TTBK1: variants seen among roughly 807,000 people sequenced by gnomAD.
TTBK1 encodes the protein tau tubulin kinase 1.
A neutral mutation model predicts 108.5 loss-of-function variants in TTBK1; 34 were observed. The ratio of observed to expected loss-of-function variants is 0.31; its 90% CI spans 0.24 to 0.42. The LOEUF (loss-of-function observed/expected upper bound fraction) is 0.42. TTBK1 is among the 10% of genes least tolerant of loss of function. The pLI, the probability that TTBK1 is intolerant of heterozygous loss-of-function variation, is 1.00. For missense variants in TTBK1, 1,539 were observed against 1,826.0 expected (o/e 0.84, Z 2.86); for synonymous variants, 809 against 795.1 (o/e 1.02, Z -0.29).
At chr6:43,272,545 G>A in intron 13 of TTBK1, 1 of 985,450 alleles carries the variant, frequency 1.0e-6, no homozygotes, top group Non-Finnish European at 1.2e-6. Flanking sequence ...AAAGCATGTT[G>A]TCCTTTAGGG....
At position 43,257,617 on chromosome 6, in the gene TTBK1, T is replaced by G. The variant is rs898963251; in HGVS notation, c.862-195T>G. On this transcript the variant is annotated intron_variant, in intron 9 of 14. Transcript: ENST00000259750. This position sits in a 1 kb window ranked among gnomAD's most constrained non-coding sequence, Gnocchi z 4.5. ...GTGGGGCTTAATCCAAGATGATAAT[T>G]TGCATGTTGATTTGCATATCATGTG... Among the ~76,000 whole-genome samples the G allele has an allele frequency of 2.0e-5, 3 of 152,104 alleles. No individual in the cohort carries two copies. Among genetic ancestry groups the G allele is most frequent in the African/African-American group, 7.2e-5 (3 of 41,402 alleles).
intron 13 of TTBK1, chr6:43,272,475 C>G: frequency 1.0e-6 from 1 of 985,422 alleles, no homozygotes; most frequent in Non-Finnish European, 1.2e-6. Flanking sequence ...ACACACACCC[C>G]CCACCTCAGA....
In TTBK1 at chr6:43,259,807, C is replaced by T; in HGVS notation, c.1424+101C>T. The T allele has an allele frequency of 1.6e-6, 2 of 1,258,546 alleles. No homozygotes were observed. The highest frequency in any genetic ancestry group is 2.6e-4 in the Middle Eastern group (1 of 3,882). 78.0% of individuals were successfully genotyped at this position (1,258,546 alleles called of 1,614,324 possible). ...TAGATGTGTGGCGGAGGTGGGCAGA[C>T]CCTGGGAAGTGCTGAGAGGGTTATA... On this transcript the variant is annotated intron_variant, in intron 12 of 14. Transcript: ENST00000259750. The surrounding 1 kb of genome is among the most constrained non-coding windows in gnomAD (Gnocchi z 6.7).
chr6:43,254,450 A>C, intron 5 of TTBK1, 97 bp from the exon 6 acceptor site: 4 of 807,014 alleles, frequency 5.0e-6, no homozygotes, highest in Non-Finnish European at 7.8e-6. Context: ...GTGGGGCTGA[A>C]AGCCCTTCAC....
rs558298207 is a variant in TTBK1 at position 43,276,371 on chromosome 6, G to A, written c.1987-6356G>A. 1.2e-4 allele frequency among the ~76,000 whole-genome samples: 18 copies of A among 152,042 alleles called. No individual in the cohort carries two copies. The East Asian group carries it at 1.5e-3, about 13-fold the overall frequency. ...TTAGTGTACATAGCGGCGTCGGGGGGTGGCCCCAGGCCCGGGTAGAAAAGC... is the reference window on the plus strand; with the variant it reads ...TTAGTGTACATAGCGGCGTCGGGGGATGGCCCCAGGCCCGGGTAGAAAAGC... On this transcript the variant is annotated intron_variant, in intron 13 of 14. Coordinates refer to ENST00000259750, the MANE Select transcript of TTBK1 (RefSeq NM_032538.3). The surrounding 1 kb of genome is among the most constrained non-coding windows in gnomAD (Gnocchi z 5.4).
In TTBK1 at chr6:43,269,701, T is replaced by A. The variant is rs1777772990; in HGVS notation, c.1986+6351T>A. 6.2e-7 allele frequency: 1 copy of A among 1,610,910 alleles called. No homozygotes were observed. The highest frequency in any genetic ancestry group is 1.1e-5 in the South Asian group (1 of 91,070). Reference sequence around the variant, plus strand: ...CCGCGGTACAGCCCCCTGCGACGACTGGCGTCCTCCGTGTTCTCCTCCTCC... The same window carrying A: ...CCGCGGTACAGCCCCCTGCGACGACAGGCGTCCTCCGTGTTCTCCTCCTCC... On this transcript the variant is annotated intron_variant, in intron 13 of 14. Coordinates refer to ENST00000259750, the MANE Select transcript of TTBK1 (RefSeq NM_032538.3). This position sits in a 1 kb window ranked among gnomAD's most constrained non-coding sequence, Gnocchi z 4.8.
At chr6:43,258,926 C>T (rs1777447574) in intron 10 of TTBK1, 112 bp from the exon 11 acceptor site, 2 of 725,250 alleles carry the variant, frequency 2.8e-6, no homozygotes, top group Admixed American at 3.0e-5. Context: ...ACGGGACTGC[C>T]TCTGTGCCCG....
Position 43,284,083 on chromosome 6 carries a change from G to A in TTBK1, c.3343G>A (p.Glu1115Lys). ...LASGASSSSS[E>K]EQRRASETLS... ...CTCAGGGGCCTCGTCCTCCTCCAGTGAGGAGCAGCGCCGTGCCTCTGAGAC... is the reference window on the plus strand; with the variant it reads ...CTCAGGGGCCTCGTCCTCCTCCAGTAAGGAGCAGCGCCGTGCCTCTGAGAC... The change falls in exon 14 of 15, where the codon GAG (glutamate) becomes AAG (lysine). Residue 1115 changes from glutamate to lysine, a missense_variant. This residue lies in a region of TTBK1 where 1,055 missense variants were observed against 1,086.5 expected (regional missense o/e 0.97). Transcript: ENST00000259750. 2 of 1,539,068 alleles carry A rather than the reference G, an allele frequency of 1.3e-6. No homozygotes were observed. Among genetic ancestry groups the A allele is most frequent in the Non-Finnish European group, 8.7e-7 (1 of 1,143,562 alleles).
In TTBK1 at chr6:43,253,807, G is replaced by T; in HGVS notation, c.471+99G>T. The T allele has an allele frequency of 6.9e-7, 1 of 1,450,382 alleles. No individual in the cohort carries two copies. The highest frequency in any genetic ancestry group is 9.2e-7 in the Non-Finnish European group (1 of 1,089,396). The allele number at this position is 1,450,382 out of a possible 1,614,324, so 89.8% of individuals were successfully genotyped here. ...GGTTTCTCCTCTGCAACCATGGTTG[G>T]GACTTGTGATGGGACAGCCTCTTCT... On this transcript the variant is annotated intron_variant, in intron 5 of 14. Coordinates refer to ENST00000259750, the MANE Select transcript of TTBK1 (RefSeq NM_032538.3). The surrounding 1 kb of genome is among the most constrained non-coding windows in gnomAD (Gnocchi z 5.8).
chr6:43,281,192 G>A (rs535817007), intron 13 of TTBK1, among the ~76,000 whole-genome samples: 3 of 152,044 alleles, frequency 2.0e-5, no homozygotes, highest in South Asian at 2.1e-4. Context: ...TGGCCAACAC[G>A]GCGAAACCCC....
chr6:43,256,135 C>A (rs1437710409), intron 9 of TTBK1, among the ~76,000 whole-genome samples: 1 of 144,354 alleles, frequency 6.9e-6, no homozygotes, highest in Non-Finnish European at 1.5e-5. Flanking sequence ...TATTATTATT[C>A]CAGCTCTTTT....
Position 43,252,907 on chromosome 6 carries a change from G to C in TTBK1, c.256+21G>C, listed in dbSNP as rs374109783. On this transcript the variant is annotated intron_variant, in intron 3 of 14. Transcript: ENST00000259750. ...GCAAGGTTCGGGCCTCGGGCAGGGG[G>C]ATGGGAAGGAAGAGATGATGAAGCC... The C allele has an allele frequency of 1.9e-6, 3 of 1,611,922 alleles. No individual in the cohort carries two copies. In the African/African-American group the frequency reaches 4.0e-5, roughly 22 times the overall value.
Position 43,282,935 on chromosome 6 carries a change from A to G in TTBK1, c.2195A>G (p.Lys732Arg). 6.2e-7 allele frequency: 1 copy of G among 1,612,784 alleles called. No individual in the cohort carries two copies. The highest frequency in any genetic ancestry group is 8.5e-7 in the Non-Finnish European group (1 of 1,179,202). Residue 732 changes from lysine to arginine, a missense_variant, in exon 14 of 15, where the codon AAG (lysine) becomes AGG (arginine). Transcript: ENST00000259750. This position sits in a 1 kb window ranked among gnomAD's most constrained non-coding sequence, Gnocchi z 5.4. ...LAPVQPQANG[K>R]EEEEEEEEDE... ...CCTGTTCAGCCTCAGGCTAATGGGA[A>G]GGAGGAAGAGGAGGAGGAGGAGGAA...
At chr6:43,251,473 A>G (rs749227956) in intron 2 of TTBK1, among the ~76,000 whole-genome samples, 1 of 152,000 alleles carries the variant, frequency 6.6e-6, no homozygotes, top group Admixed American at 6.6e-5. Context: ...GAGATCATGT[A>G]CATCTTTCTA....
intron 13 of TTBK1, chr6:43,270,908 G>A: frequency 3.0e-6 from 3 of 985,494 alleles, no homozygotes; most frequent in Non-Finnish European, 3.6e-6. Context: ...TTCTCAGAAG[G>A]TGACTCCTTC....
In TTBK1 at chr6:43,283,733, T is replaced by G; in HGVS notation, c.2993T>G (p.Leu998Arg). Residue 998 changes from leucine to arginine, a missense_variant, in exon 14 of 15, where the codon CTG becomes CGG. Physicochemically the swap from Leu to Arg is moderately radical, Grantham distance 102. Around this residue, in one of 5 missense-constraint regions of TTBK1, gnomAD observed 1,055 missense variants for 1,086.5 expected, o/e 0.97. Coordinates refer to ENST00000259750, the MANE Select transcript of TTBK1 (RefSeq NM_032538.3). The surrounding 1 kb of genome is among the most constrained non-coding windows in gnomAD (Gnocchi z 8.1). ...LNGAEIEGSALSGAPRETPSE... is the reference protein window; with the variant it reads ...LNGAEIEGSARSGAPRETPSE... ...GGGGCTGAGATAGAGGGCTCTGCCC[T>G]GTCTGGGGCCCCCCGGGAAACCCCC... The G allele has an allele frequency of 6.2e-7, 1 of 1,613,754 alleles. No homozygotes were observed. Among genetic ancestry groups the G allele is most frequent in the South Asian group, 1.1e-5 (1 of 91,090 alleles).
intron 13 of TTBK1, among the ~76,000 whole-genome samples, chr6:43,268,937 C>T (rs1361215092): frequency 5.3e-5 from 8 of 152,210 alleles, no homozygotes; most frequent in Non-Finnish European, 1.0e-4. Context: ...CCAAGTACTG[C>T]ACATCTTATA....
At position 43,259,165 on chromosome 6, in the gene TTBK1, C is replaced by T. The variant is rs745862761; in HGVS notation, c.1144C>T (p.Leu382=). 6 of 1,613,152 alleles carry T rather than the reference C, an allele frequency of 3.7e-6. No individual in the cohort carries two copies. The highest frequency in any genetic ancestry group is 5.1e-6 in the Non-Finnish European group (6 of 1,179,372). ...TCTGCCCGGGAGGCCCTCTGAGGGG[C>T]TGGGCCCCAGTCCCCACCTTGTCCC... ...PILPGRPSEG[L]GPSPHLVPHP... Residue 382 remains leucine, a synonymous_variant, in exon 11 of 15, where the codon CTG becomes TTG. Transcript: ENST00000259750. The surrounding 1 kb of genome is among the most constrained non-coding windows in gnomAD (Gnocchi z 6.7).
At chr6:43,246,552 GC>G in intron 1 of TTBK1, 54 bp from the exon 2 acceptor site, 1 of 700,038 alleles carries the variant, frequency 1.4e-6, no homozygotes, top group Non-Finnish European at 2.4e-6. Flanking sequence ...CTCCATATCT[GC>G]CAGGTGGTCC....
Sources: allele counts gnomAD v4.1 joint callset (sites outside exome capture counted in the v4.1 genomes callset), GRCh38; gene constraint gnomAD v4.1.1; regional missense constraint gnomAD v4.1.1; non-coding constraint Gnocchi (gnomAD v3.1); transcripts MANE v1.5; gene names NCBI Gene and HGNC (gene_info 2026-07-23, HGNC 2026-07-21).